The following G3BP2 variants were observed in gnomAD, a reference collection of about 807,000 sequenced individuals.
G3BP2 encodes G3BP stress granule assembly factor 2, also known as ras GTPase-activating protein-binding protein 2.
A neutral mutation model predicts 56.7 loss-of-function variants in G3BP2; 11 were observed. The ratio of observed to expected loss-of-function variants is 0.19; its 90% CI spans 0.12 to 0.32. The LOEUF is 0.32. G3BP2 is among the 10% of genes least tolerant of loss of function. The pLI is 1.00. For synonymous variants in G3BP2, 165 were observed against 191.6 expected (o/e 0.86, Z 1.15); for missense variants, 340 against 610.9 (o/e 0.56, Z 4.67).
intron 2 of G3BP2, among the ~76,000 whole-genome samples, chr4:75,660,639 C>T (rs13141160): frequency 0.1 from 15,363 of 152,178 alleles, 999 homozygotes; most frequent in Non-Finnish European, 0.15. Context: ...AGACAGATTA[C>T]ACGTATGTTC....
At position 75,692,318 on chromosome 4, in the gene G3BP2, C is replaced by CTT. The variant is rs563063599; in HGVS notation, c.-25+28557_-25+28558dup. Among the ~76,000 whole-genome samples the CTT allele has an allele frequency of 6.7e-3, 976 of 146,236 alleles. 13 individuals are homozygous for CTT. The highest frequency in any genetic ancestry group is 0.023 in the African/African-American group (939 of 40,116). ...TTGGTAACCAGACCACCTGTCAGTT[C>CTT]TTTTTTTTTTTAAGACAGAGTTTCG... is the stretch of plus-strand genomic sequence containing the variant. On this transcript the variant is annotated intron_variant, in intron 3 of 3. Transcript: ENST00000499709.
At chr4:75,722,186 G>A (rs1252845850) in intron 2 of G3BP2, among the ~76,000 whole-genome samples, 2 of 152,054 alleles carry the variant, frequency 1.3e-5, no homozygotes, top group East Asian at 1.9e-4. Context: ...ACAATGCCTC[G>A]GGGATCCCAC....
chr4:75,717,812 A>T (rs950869538), intron 3 of G3BP2, among the ~76,000 whole-genome samples: 1 of 152,146 alleles, frequency 6.6e-6, no homozygotes, highest in Non-Finnish European at 1.5e-5. Context: ...TAGGGCCTGG[A>T]TCTGATAAAC....
chr4:75,677,028 C>G (rs1283206522), upstream of G3BP2, among the ~76,000 whole-genome samples: 2 of 152,116 alleles, frequency 1.3e-5, no homozygotes, highest in African/African-American at 2.4e-5. Flanking sequence ...GTAAATGAAT[C>G]AGACCCAATC....
intron 1 of G3BP2, among the ~76,000 whole-genome samples, chr4:75,671,682 C>T (rs889773629): frequency 6.6e-6 from 1 of 152,274 alleles, no homozygotes; most frequent in East Asian, 1.9e-4. Context: ...AATTCCTTGA[C>T]TGCTTTTCAG....
At chr4:75,673,065 G>A in intron 1 of G3BP2, 143 bp downstream of exon 1, 1 of 1,009,792 alleles carries the variant, frequency 9.9e-7, no homozygotes, top group Non-Finnish European at 1.2e-6. Context: ...GCACCGTAGG[G>A]AGCCGGCAAG....
At chr4:75,676,285 G>A (rs1733872972), upstream of G3BP2, among the ~76,000 whole-genome samples, 1 of 151,414 alleles carries the variant, frequency 6.6e-6, no homozygotes, top group Admixed American at 6.6e-5. Context: ...GGTGGCTCAG[G>A]CCAAAAACCT....
At chr4:75,677,485 C>T (rs1203802426), upstream of G3BP2, among the ~76,000 whole-genome samples, 2 of 151,992 alleles carry the variant, frequency 1.3e-5, no homozygotes, top group Non-Finnish European at 2.9e-5. Context: ...GCAGGAGAAT[C>T]ACTTGAACCC....
At chr4:75,677,502 C>T (rs985172154), upstream of G3BP2, among the ~76,000 whole-genome samples, 12 of 151,576 alleles carry the variant, frequency 7.9e-5, no homozygotes, top group African/African-American at 2.7e-4. Flanking sequence ...ACCCAGGAGG[C>T]GGAGGTTGTG....
intron 3 of G3BP2, among the ~76,000 whole-genome samples, chr4:75,697,710 G>C (rs1418331865): frequency 6.6e-6 from 1 of 152,210 alleles, no homozygotes; most frequent in Non-Finnish European, 1.5e-5. Flanking sequence ...GAGGTGGGCT[G>C]ATCACTTGAG....
At chr4:75,677,926 A>G (rs1210093596), upstream of G3BP2, among the ~76,000 whole-genome samples, 1 of 152,176 alleles carries the variant, frequency 6.6e-6, no homozygotes, top group Non-Finnish European at 1.5e-5. Flanking sequence ...ACCTTCATGA[A>G]TGGAATTCGT....
intron 3 of G3BP2, among the ~76,000 whole-genome samples, chr4:75,703,390 C>G (rs188883298): frequency 5.9e-5 from 9 of 152,276 alleles, no homozygotes; most frequent in Admixed American, 5.9e-4. Context: ...GTCCCCCAAT[C>G]CACACCACTT....
intron 3 of G3BP2, among the ~76,000 whole-genome samples, chr4:75,706,646 C>T (rs1447047290): frequency 2.2e-5 from 3 of 138,260 alleles, no homozygotes; most frequent in Non-Finnish European, 4.5e-5. Context: ...CATTGCACTC[C>T]AGGCTGGGCA....
chr4:75,722,024 A>G (rs1204431558), intron 2 of G3BP2, among the ~76,000 whole-genome samples: 1 of 152,106 alleles, frequency 6.6e-6, no homozygotes, highest in African/African-American at 2.4e-5. Context: ...AGCATCTACC[A>G]TATTAAAGGA....
intron 3 of G3BP2, among the ~76,000 whole-genome samples, chr4:75,718,438 G>A (rs1157022722): frequency 6.6e-6 from 1 of 152,114 alleles, no homozygotes; most frequent in Non-Finnish European, 1.5e-5. Flanking sequence ...ACTTATGCTA[G>A]CATACACTAG....
chr4:75,644,100 C>T lies in G3BP2; in HGVS notation c.*1330G>A, dbSNP rs994895814. ...TGCAAACACTTAAAGAGCTGCTGTT[C>T]TTTTCTCCGAAAATTGCAGTATCCT... On this transcript the variant is annotated 3_prime_UTR_variant, in exon 12 of 12. Transcript: ENST00000359707. 3 of 152,628 alleles carry T rather than the reference C, an allele frequency of 2.0e-5. No homozygotes were observed. Among genetic ancestry groups the T allele is most frequent in the African/African-American group, 7.2e-5 (3 of 41,448 alleles). The allele number at this position is 152,628 out of a possible 1,614,324, so 9.5% of individuals were successfully genotyped here.
intron 3 of G3BP2, among the ~76,000 whole-genome samples, chr4:75,703,422 T>C (rs1209595516): frequency 2.2e-4 from 33 of 152,194 alleles, no homozygotes; most frequent in Admixed American, 2.2e-3. Context: ...CGTATGCAAC[T>C]TCTACTGGTT....
chr4:75,668,223 C>T (rs183179298), intron 1 of G3BP2, among the ~76,000 whole-genome samples: 179 of 152,294 alleles, frequency 1.2e-3, no homozygotes, highest in Middle Eastern at 0.01. Context: ...CATTGAGCTT[C>T]ATTATCCTAC....
In G3BP2 at chr4:75,704,926, C is replaced by G. The variant is rs774121642; in HGVS notation, c.-25+15951G>C. 3.3e-5 allele frequency among the ~76,000 whole-genome samples: 5 copies of G among 152,332 alleles called. 1 individual carries two copies. Among genetic ancestry groups the G allele is most frequent in the Middle Eastern group, 6.8e-3 (2 of 294 alleles). ...AGGATTACAGGCGTGAACCACCACA[C>G]CCAGTCTTAATTTTTTATCTCTAGG... is the stretch of plus-strand genomic sequence containing the variant. On this transcript the variant is annotated intron_variant, in intron 3 of 3. Coordinates refer to the G3BP2 transcript ENST00000499709.
Sources: allele counts gnomAD v4.1 joint callset (sites outside exome capture counted in the v4.1 genomes callset), GRCh38; gene constraint gnomAD v4.1.1; transcripts MANE v1.5; gene names NCBI Gene and HGNC (gene_info 2026-07-23, HGNC 2026-07-21).